SPAG16: variants seen among roughly 807,000 people sequenced by gnomAD.
The protein encoded by SPAG16 is sperm-associated antigen 16 protein.
In SPAG16, 86 loss-of-function variants were observed where a neutral mutation model predicts 80.4. The ratio of observed to expected loss-of-function variants is 1.07; its 90% confidence interval spans 0.90 to 1.28. SPAG16 has a LOEUF of 1.28. SPAG16 is among the 50% of genes most tolerant of loss of function. SPAG16 has a pLI of 0.00. For synonymous variants in SPAG16, 294 were observed against 265.9 expected, an observed-to-expected ratio of 1.11 and a Z score of -1.03; for missense variants, 870 against 765.3, an observed-to-expected ratio of 1.14 and a Z score of -1.61.
rs374274176 is a variant in SPAG16 at position 213,980,725 on chromosome 2, T to TATATATAGAGAGAG, written c.1401-33225_1401-33224insTATATAGAGAGAGA. Among the ~76,000 whole-genome samples the TATATATAGAGAGAG allele has an allele frequency of 9.1e-4, 95 of 103,978 alleles. 4 individuals carry two copies. The highest frequency in any genetic ancestry group is 4.4e-3 in the African/African-American group (88 of 20,080). 68.2% of individuals were successfully genotyped at this position (103,978 alleles called of 152,430 possible). On this transcript the variant is annotated intron_variant, in intron 12 of 15. Coordinates refer to ENST00000331683, the MANE Select transcript of SPAG16 (RefSeq NM_024532.5). ...GTGTGTGTGTGTGTATATATATATA[T>TATATATAGAGAGAG]AGAGAGAGAGAGAGAGAGAGAGAGA...
chr2:214,283,151 T>A (rs1693088985), intron 15 of SPAG16, among the ~76,000 whole-genome samples: 1 of 152,004 alleles, frequency 6.6e-6, no homozygotes, highest in Admixed American at 6.6e-5. Context: ...GGCCCACCAG[T>A]CTTCTGTCAG....
chr2:213,829,567 G>C (rs2073505558), intron 10 of SPAG16, among the ~76,000 whole-genome samples: 1 of 152,088 alleles, frequency 6.6e-6, no homozygotes, highest in Admixed American at 6.6e-5. Flanking sequence ...CAAACAGAAA[G>C]AATCTTTCTT....
At chr2:213,708,313 A>G (rs1442955397) in intron 10 of SPAG16, among the ~76,000 whole-genome samples, 2 of 152,256 alleles carry the variant, frequency 1.3e-5, no homozygotes, top group African/African-American at 2.4e-5. Context: ...TATTGACAAT[A>G]AAATATCCTA....
At chr2:213,542,368 C>T (rs1575904066) in intron 10 of SPAG16, among the ~76,000 whole-genome samples, 1 of 152,074 alleles carries the variant, frequency 6.6e-6, no homozygotes, top group South Asian at 2.1e-4. Flanking sequence ...ATTATCTTCA[C>T]ATTACAATTT....
At chr2:213,974,945 C>A (rs1199845060) in intron 12 of SPAG16, among the ~76,000 whole-genome samples, 1 of 107,098 alleles carries the variant, frequency 9.3e-6, no homozygotes. Context: ...AGTAAGATGT[C>A]GTTAAAAAAA....
intron 15 of SPAG16, among the ~76,000 whole-genome samples, chr2:214,210,393 T>A (rs1161978930): frequency 6.6e-6 from 1 of 152,122 alleles, no homozygotes; most frequent in African/African-American, 2.4e-5. Context: ...AGGTATGTCA[T>A]GAGTAAATTC....
intron 14 of SPAG16, among the ~76,000 whole-genome samples, chr2:214,140,944 G>GGT (rs2055323462): frequency 1.4e-5 from 1 of 72,902 alleles, no homozygotes; most frequent in African/African-American, 5.6e-5. Context: ...GGGGGGGGGG[G>GGT]GGTGGGGGGT....
rs568767961 is a variant in SPAG16, at chr2:213,876,116, C to T, written c.1214+13488C>T. ...ACTGTGAAAAGCATTGCAGATTTGA[C>T]ATTGCGTGAAAGTTTCCAACTATAA... On this transcript the variant is annotated intron_variant, in intron 11 of 15. Coordinates refer to ENST00000331683, the MANE Select transcript of SPAG16 (RefSeq NM_024532.5). Among the ~76,000 whole-genome samples, 6 of 152,154 alleles carry T rather than the reference C, an allele frequency of 3.9e-5. No homozygotes were observed. The East Asian group carries it at 1.2e-3, about 29-fold the overall frequency.
At chr2:213,741,002 A>G (rs2067525532) in intron 10 of SPAG16, among the ~76,000 whole-genome samples, 1 of 152,230 alleles carries the variant, frequency 6.6e-6, no homozygotes, top group African/African-American at 2.4e-5. Flanking sequence ...AGTTTGGGGA[A>G]TTTTAGGGCT....
chr2:213,960,661 T>A (rs1443361682), intron 12 of SPAG16, among the ~76,000 whole-genome samples: 1 of 152,212 alleles, frequency 6.6e-6, no homozygotes, highest in African/African-American at 2.4e-5. Context: ...ACCCTGCACC[T>A]TTCAATTGAC....
chr2:213,297,385 ATAGTT>A (rs2062548328), intron 3 of SPAG16, 28 bp downstream of exon 3: 8 of 1,385,204 alleles, frequency 5.8e-6, no homozygotes, highest in Non-Finnish European at 7.1e-6. Context: ...AGTGTAGTCT[ATAGTT>A]TAGTGGTAGT....
chr2:213,977,024 A>T (rs2045446725), intron 12 of SPAG16, among the ~76,000 whole-genome samples: 1 of 152,060 alleles, frequency 6.6e-6, no homozygotes, highest in African/African-American at 2.4e-5. Context: ...TTACAGTAGC[A>T]ATGGAAATTG....
intron 13 of SPAG16, among the ~76,000 whole-genome samples, chr2:214,071,217 G>C (rs908773787): frequency 6.6e-6 from 1 of 152,078 alleles, no homozygotes; most frequent in Non-Finnish European, 1.5e-5. Context: ...ATACAGCTAG[G>C]AAGATCTTCA....
intron 14 of SPAG16, among the ~76,000 whole-genome samples, chr2:214,137,437 A>G (rs1486805905): frequency 6.6e-6 from 1 of 152,102 alleles, no homozygotes; most frequent in Non-Finnish European, 1.5e-5. Context: ...TTGTGTATAT[A>G]TGTATGTGTT....
At chr2:214,109,374 A>G (rs1317317927) in intron 14 of SPAG16, among the ~76,000 whole-genome samples, 6 of 152,184 alleles carry the variant, frequency 3.9e-5, no homozygotes, top group Non-Finnish European at 8.8e-5. Context: ...AGGTTCATTT[A>G]AACTCTATGA....
chr2:214,330,103 C>T (rs1401424936), intron 15 of SPAG16, among the ~76,000 whole-genome samples: 3 of 107,680 alleles, frequency 2.8e-5, no homozygotes, highest in East Asian at 2.5e-4. Flanking sequence ...CCTATCTCTA[C>T]CAAAAATAGA....
chr2:213,894,233 G>T (rs2076903131), intron 11 of SPAG16, among the ~76,000 whole-genome samples: 1 of 152,098 alleles, frequency 6.6e-6, no homozygotes, highest in South Asian at 2.1e-4. Flanking sequence ...ACATTAAAAA[G>T]ATCATTCACT....
intron 3 of SPAG16, among the ~76,000 whole-genome samples, chr2:213,301,885 T>G (rs533506656): frequency 6.6e-6 from 1 of 152,284 alleles, no homozygotes; most frequent in Admixed American, 6.5e-5. Context: ...CCTTGAATAT[T>G]GGTTTATCTT....
intron 15 of SPAG16, among the ~76,000 whole-genome samples, chr2:214,403,375 A>C (rs1439331666): frequency 6.7e-6 from 1 of 148,864 alleles, no homozygotes; most frequent in African/African-American, 2.4e-5. Flanking sequence ...TATACTTATT[A>C]ATTATATACA....
Sources: allele counts gnomAD v4.1 joint callset (sites outside exome capture counted in the v4.1 genomes callset), GRCh38; gene constraint gnomAD v4.1.1; transcripts MANE v1.5; gene names NCBI Gene and HGNC (gene_info 2026-07-23, HGNC 2026-07-21).